Variants in CFAP92 observed in about 807,000 individuals in gnomAD.
The protein encoded by CFAP92 is uncharacterized protein CFAP92.
CFAP92 carries 86 observed loss-of-function variants against 106.3 expected under a neutral mutation model. The ratio of observed to expected loss-of-function variants is 0.81; its 90% CI spans 0.68 to 0.97. The LOEUF (loss-of-function observed/expected upper bound fraction) is 0.97, where lower values mean the gene tolerates loss of function less well. CFAP92 is among the 50% of genes least tolerant of loss of function. CFAP92 has a pLI of 0.00. For synonymous variants in CFAP92, 477 were observed against 506.4 expected (o/e 0.94, Z 0.78); for missense variants, 1,204 against 1,283.8 (o/e 0.94, Z 0.95).
At chr3:128,947,663 C>T (rs533984468) in intron 9 of CFAP92, among the ~76,000 whole-genome samples, 5 of 152,260 alleles carry the variant, frequency 3.3e-5, no homozygotes, top group African/African-American at 1.2e-4. Flanking sequence ...ACACCATATA[C>T]AAAAATTCAT....
In CFAP92 at chr3:128,993,990, A is replaced by T. The variant is rs1365255267; in HGVS notation, c.-43T>A. The T allele has an allele frequency of 8.0e-5, 79 of 987,380 alleles. No individual in the cohort carries two copies. Among genetic ancestry groups the T allele is most frequent in the Non-Finnish European group, 8.8e-5 (73 of 831,108 alleles). The allele number at this position is 987,380 out of a possible 1,614,324, so 61.2% of individuals were successfully genotyped here. A position where few individuals can be genotyped will look rare whatever the true frequency, so the allele number is the denominator to read the frequency against. ...AGGTGCTGGCGGTACCTGCGAGCGG[A>T]TGCGCTGGGCGGCAGCGGGGAGTTG... On this transcript the variant is annotated 5_prime_UTR_variant, in exon 1 of 16. Coordinates refer to ENST00000645291, the MANE Select transcript of CFAP92 (RefSeq NM_001394090.1).
In CFAP92 at chr3:128,945,383, G is replaced by T; in HGVS notation, c.1946C>A (p.Ala649Asp). The T allele has an allele frequency of 1.3e-6, 2 of 1,536,140 alleles. No individual in the cohort carries two copies. The highest frequency in any genetic ancestry group is 1.7e-6 in the Non-Finnish European group (2 of 1,146,908). ...AVPLRAGARA[A>D]DPDLGGSQFG... ...CTGGGAGCCCCCAAGGTCAGGATCA[G>T]CAGCTCTGGCCCCGGCCCTCAGTGG... is the stretch of plus-strand genomic sequence containing the variant. The change falls in exon 10 of 16, where the codon GCT becomes GAT. Residue 649 changes from alanine to aspartate, a missense_variant. Physicochemically the swap from Ala to Asp is moderately radical, Grantham distance 126. Coordinates refer to ENST00000645291, the MANE Select transcript of CFAP92 (RefSeq NM_001394090.1).
chr3:129,001,112 G>A (rs1944711201), intron 1 of CFAP92, among the ~76,000 whole-genome samples: 1 of 152,256 alleles, frequency 6.6e-6, no homozygotes, highest in Non-Finnish European at 1.5e-5. Flanking sequence ...GGAAGAGGGG[G>A]AAGAGTGACG....
At chr3:128,926,188 A>G (rs1054992040) in intron 12 of CFAP92, among the ~76,000 whole-genome samples, 3 of 152,256 alleles carry the variant, frequency 2.0e-5, no homozygotes, top group Non-Finnish European at 4.4e-5. Flanking sequence ...AAGGTGCTCA[A>G]CATTATTGAG....
chr3:129,002,759 C>G (rs1386980902), upstream of CFAP92: 1 of 173,030 alleles, frequency 5.8e-6, no homozygotes. Flanking sequence ...TAGGGATATC[C>G]CTGCCTCCTG....
rs1383777710 is a variant in CFAP92 at position 128,955,990 on chromosome 3, A to C, written c.1353+9521T>G. 1.4e-4 allele frequency among the ~76,000 whole-genome samples: 10 copies of C among 70,636 alleles called. No individual in the cohort carries two copies. The Admixed American group carries it at 1.5e-3, about 11-fold the overall frequency. 46.3% of individuals were successfully genotyped at this position (70,636 alleles called of 152,430 possible). On this transcript the variant is annotated intron_variant, in intron 9 of 15. Coordinates refer to ENST00000645291, the MANE Select transcript of CFAP92 (RefSeq NM_001394090.1). ...GCTTGAAGGCAGCATGCTCGTTAAG[A>C]GTCATCACCAATCCCTAATCTCAAG... is the stretch of plus-strand genomic sequence containing the variant.
At chr3:128,922,745 A>G (rs1937397750) in intron 12 of CFAP92, among the ~76,000 whole-genome samples, 1 of 152,232 alleles carries the variant, frequency 6.6e-6, no homozygotes, top group Non-Finnish European at 1.5e-5. Context: ...AGGAAGGAAC[A>G]ATTCAACCTA....
At chr3:128,925,886 A>G (rs1346827891) in intron 12 of CFAP92, among the ~76,000 whole-genome samples, 1 of 152,218 alleles carries the variant, frequency 6.6e-6, no homozygotes, top group Non-Finnish European at 1.5e-5. Flanking sequence ...GGACAACGGA[A>G]TGATGTCTTT....
At chr3:128,993,655 C>G (rs868689370) in intron 1 of CFAP92, 2 of 355,100 alleles carry the variant, frequency 5.6e-6, no homozygotes, top group Admixed American at 7.9e-5. Flanking sequence ...CCGGGAGCCA[C>G]CAGGCGGGAG....
chr3:128,943,238 C>T (rs2107724667), intron 10 of CFAP92, among the ~76,000 whole-genome samples: 1 of 152,166 alleles, frequency 6.6e-6, no homozygotes, highest in African/African-American at 2.4e-5. Context: ...TTTTAAAGCG[C>T]ATGAATGAGT....
chr3:128,942,443 A>G (rs1396024774), intron 10 of CFAP92, among the ~76,000 whole-genome samples: 1 of 152,160 alleles, frequency 6.6e-6, no homozygotes, highest in African/African-American at 2.4e-5. Context: ...GACCGCCTAC[A>G]TGGCTGAACT....
intron 12 of CFAP92, among the ~76,000 whole-genome samples, chr3:128,923,816 A>C (rs1365883703): frequency 6.6e-6 from 1 of 152,228 alleles, no homozygotes; most frequent in African/African-American, 2.4e-5. Flanking sequence ...GGCAAAGATG[A>C]AAATCTCACC....
chr3:129,005,881 A>C (rs1315706795), upstream of CFAP92, among the ~76,000 whole-genome samples: 9 of 152,276 alleles, frequency 5.9e-5, no homozygotes, highest in Admixed American at 5.9e-4. Flanking sequence ...TGAGGCCCAC[A>C]TCCAGCCTTG....
the CFAP92 span, among the ~76,000 whole-genome samples, chr3:129,023,253 G>A: frequency 3.3e-5 from 5 of 151,812 alleles, no homozygotes; most frequent in African/African-American, 4.8e-5. Context: ...TACTAAGTTC[G>A]GCTTCAGATC....
intron 9 of CFAP92, among the ~76,000 whole-genome samples, chr3:128,959,507 C>T (rs1559898736): frequency 6.6e-6 from 1 of 152,280 alleles, no homozygotes; most frequent in East Asian, 1.9e-4. Context: ...AGGATGCACT[C>T]CAGCAAAACC....
At chr3:129,018,215 T>A in the CFAP92 span, among the ~76,000 whole-genome samples, 1 of 152,162 alleles carries the variant, frequency 6.6e-6, no homozygotes, top group Non-Finnish European at 1.5e-5. Context: ...ATTAAACATG[T>A]TTGCCTCCAT....
chr3:128,923,994 T>G (rs904574222), intron 12 of CFAP92, among the ~76,000 whole-genome samples: 1 of 152,206 alleles, frequency 6.6e-6, no homozygotes, highest in Non-Finnish European at 1.5e-5. Context: ...GATTTTGTTC[T>G]AATAATTATG....
chr3:128,928,270 A>T lies in CFAP92; in HGVS notation c.2751+4430T>A, dbSNP rs187525577. ...TCCGTCCCAAAAAAAATAAATAAAC[A>T]AAATCCCCATGAAATTCCTATAGAA... On this transcript the variant is annotated intron_variant, in intron 12 of 15. Coordinates refer to ENST00000645291, the MANE Select transcript of CFAP92 (RefSeq NM_001394090.1). Among the ~76,000 whole-genome samples, 1,459 of 152,258 alleles carry T rather than the reference A, an allele frequency of 9.6e-3. 14 individuals are homozygous for T. Among genetic ancestry groups the T allele is most frequent in the African/African-American group, 0.033 (1,392 of 41,568 alleles).
At chr3:128,960,951 GCT>G (rs1482162686) in intron 9 of CFAP92, among the ~76,000 whole-genome samples, 3 of 152,132 alleles carry the variant, frequency 2.0e-5, no homozygotes, top group Admixed American at 6.6e-5. Context: ...GGGTCTCTAT[GCT>G]CTCTTTTCTC....
Sources: allele counts gnomAD v4.1 joint callset (sites outside exome capture counted in the v4.1 genomes callset), GRCh38; gene constraint gnomAD v4.1.1; transcripts MANE v1.5; gene names NCBI Gene and HGNC (gene_info 2026-07-23, HGNC 2026-07-21).